Variants in PCDHA1 observed in about 807,000 individuals in gnomAD.
PCDHA1 encodes protocadherin alpha-1.
Under a neutral mutation model 61.3 loss-of-function variants are expected in PCDHA1, and 42 were observed. The observed-to-expected ratio is 0.69, with a 90% CI of 0.54 to 0.89. PCDHA1 has a LOEUF of 0.89. Ranked by LOEUF, PCDHA1 falls within the 40% of genes least tolerant of loss-of-function variation. PCDHA1 has a pLI of 0.00. For synonymous variants in PCDHA1, 610 were observed against 553.8 expected, an observed-to-expected ratio of 1.10 and a Z score of -1.43; for missense variants, 1,256 against 1,235.3, an observed-to-expected ratio of 1.02 and a Z score of -0.25.
chr5:140,787,773 G>A lies in PCDHA1; in HGVS notation c.1483G>A (p.Val495Met). The A allele has an allele frequency of 1.9e-6, 3 of 1,613,022 alleles. No individual in the cohort carries two copies. Among genetic ancestry groups the A allele is most frequent in the Non-Finnish European group, 2.5e-6 (3 of 1,179,826 alleles). ...GAACGCGCTGGTGTCCTATTCGCTGGTGGAACGGCGGGTGGGCGAGCGCGC... is the reference window on the plus strand; with the variant it reads ...GAACGCGCTGGTGTCCTATTCGCTGATGGAACGGCGGGTGGGCGAGCGCGC... ...QENALVSYSL[V>M]ERRVGERALS... Residue 495 changes from valine to methionine, a missense_variant, in exon 1 of 4, where the codon GTG (valine) becomes ATG (methionine). Coordinates refer to ENST00000504120, the MANE Select transcript of PCDHA1 (RefSeq NM_018900.4).
At chr5:140,842,599 C>T (rs1460884024) in intron 1 of PCDHA1, 3 of 1,595,874 alleles carry the variant, frequency 1.9e-6, no homozygotes, top group African/African-American at 1.3e-5. Flanking sequence ...TGGTGGTAAC[C>T]GCGCGGGACG....
At chr5:140,827,146 C>T (rs1245117168) in intron 1 of PCDHA1, among the ~76,000 whole-genome samples, 1 of 152,036 alleles carries the variant, frequency 6.6e-6, no homozygotes, top group Non-Finnish European at 1.5e-5. Flanking sequence ...AGAAGGGATG[C>T]AGATATGGAT....
intron 1 of PCDHA1, among the ~76,000 whole-genome samples, chr5:140,886,696 C>T (rs564317930): frequency 2.0e-5 from 3 of 151,944 alleles, no homozygotes; most frequent in Non-Finnish European, 2.9e-5. Flanking sequence ...CATGGTGGCA[C>T]GCGCCTGTAA....
chr5:140,805,654 T>C, intron 1 of PCDHA1: 5 of 854,732 alleles, frequency 5.8e-6, no homozygotes, highest in Non-Finnish European at 7.0e-6. Flanking sequence ...GAAGTCTTCA[T>C]TCCCCATTAA....
chr5:140,918,210 A>T (rs2078574076), intron 1 of PCDHA1, among the ~76,000 whole-genome samples: 1 of 152,152 alleles, frequency 6.6e-6, no homozygotes, highest in Non-Finnish European at 1.5e-5. Context: ...TTGTTGGTGT[A>T]CAGAAATGCT....
chr5:140,835,537 T>TTGCTCCCTG lies in PCDHA1; in HGVS notation c.2394+46854_2394+46855insGCTCCCTGT. On this transcript the variant is annotated intron_variant, in intron 1 of 3. Transcript: ENST00000504120. ...CGAGATTTTGGAGTCAACGGACAGG[T>TTGCTCCCTG]TACCTGCTCCCTGACGCCCCGCGTT... The TTGCTCCCTG allele has an allele frequency of 1.9e-6, 3 of 1,613,926 alleles. No individual in the cohort carries two copies. In the East Asian group the frequency reaches 6.7e-5, roughly 36 times the overall value.
At chr5:140,987,429 G>A (rs1402576200) in intron 3 of PCDHA1, among the ~76,000 whole-genome samples, 1 of 152,096 alleles carries the variant, frequency 6.6e-6, no homozygotes, top group Non-Finnish European at 1.5e-5. Context: ...GAAGCAGGGG[G>A]CCTTTCCCCA....
intron 1 of PCDHA1, chr5:140,802,510 C>T: frequency 2.5e-6 from 4 of 1,614,190 alleles, no homozygotes; most frequent in East Asian, 4.5e-5. Flanking sequence ...CTGTGGGCCA[C>T]GGCCAGCGTG....
chr5:140,863,228 C>A, intron 1 of PCDHA1: 1 of 1,183,022 alleles, frequency 8.5e-7, no homozygotes, highest in Non-Finnish European at 1.2e-6. Flanking sequence ...AGGAAGGTCC[C>A]ATCGCGGGCT....
intron 3 of PCDHA1, among the ~76,000 whole-genome samples, chr5:141,007,395 C>CAAA (rs35800918): frequency 7.4e-5 from 7 of 94,852 alleles, no homozygotes; most frequent in Non-Finnish European, 1.2e-4. Flanking sequence ...TACTAAAATA[C>CAAA]AAAAAAAAAA....
chr5:140,982,583 C>T lies in PCDHA1; in HGVS notation c.2542+20C>T, dbSNP rs1251252617. ...CACCAGGTAAAGAGCTGGGGTCTCT[C>T]CATTCTTTCTTGGTTTCTGGAAAGT... is the stretch of plus-strand genomic sequence containing the variant. On this transcript the variant is annotated intron_variant, in intron 3 of 3. Coordinates refer to ENST00000504120, the MANE Select transcript of PCDHA1 (RefSeq NM_018900.4). The T allele has an allele frequency of 1.2e-6, 2 of 1,612,084 alleles. No homozygotes were observed. The highest frequency in any genetic ancestry group is 4.5e-5 in the East Asian group (2 of 44,856).
rs576672267 is a variant in PCDHA1 at position 140,878,151 on chromosome 5, T to G, written c.2394+89467T>G. 31 of 178,298 alleles carry G rather than the reference T, an allele frequency of 1.7e-4. No individual in the cohort carries two copies. The Middle Eastern group carries it at 7.4e-3, about 42-fold the overall frequency. The allele number at this position is 178,298 out of a possible 1,614,324, so 11.0% of individuals were successfully genotyped here. On this transcript the variant is annotated intron_variant, in intron 1 of 3. Coordinates refer to ENST00000504120, the MANE Select transcript of PCDHA1 (RefSeq NM_018900.4). Reference sequence around the variant, plus strand: ...AAAAGTGGCCAGATGTTTGATAACTTAAAAATTTAATTTGTTCATAATTTC... The same window carrying G: ...AAAAGTGGCCAGATGTTTGATAACTGAAAAATTTAATTTGTTCATAATTTC...
At chr5:140,978,887 A>C (rs1367734690) in intron 1 of PCDHA1, 62 bp from the exon 2 acceptor site, 14 of 1,611,648 alleles carry the variant, frequency 8.7e-6, no homozygotes, top group Admixed American at 1.7e-5. Flanking sequence ...ATCAATTAGC[A>C]GCATTCCTGG....
chr5:140,815,145 C>A (rs1765664554), intron 1 of PCDHA1: 1 of 152,056 alleles, frequency 6.6e-6, no homozygotes, highest in South Asian at 2.1e-4. Flanking sequence ...AATTCAACCA[C>A]TTTGTATCTT....
At chr5:140,888,705 A>G (rs2061950008) in intron 1 of PCDHA1, among the ~76,000 whole-genome samples, 1 of 152,082 alleles carries the variant, frequency 6.6e-6, no homozygotes, top group South Asian at 2.1e-4. Context: ...ATTGGTAGGA[A>G]TGTGAAATAT....
At chr5:140,823,223 C>A (rs1367836220) in intron 1 of PCDHA1, 3 of 1,613,554 alleles carry the variant, frequency 1.9e-6, no homozygotes, top group East Asian at 4.5e-5. Context: ...GACGCGGACG[C>A]GCAGGAGAAC....
rs529065220 is a variant in PCDHA1, at chr5:140,930,291, C to T, written c.2395-48658C>T. On this transcript the variant is annotated intron_variant, in intron 1 of 3. Transcript: ENST00000504120. ...TATTTTAGGGGACAAATACACTTAA[C>T]AAATAAGTAAATATCATATTTGAGA... The T allele has an allele frequency of 2.6e-5, 4 of 152,208 alleles. No homozygotes were observed. The South Asian group carries it at 8.3e-4, about 32-fold the overall frequency. 9.4% of individuals were successfully genotyped at this position (152,208 alleles called of 1,614,324 possible). A position where few individuals can be genotyped will look rare whatever the true frequency, so the allele number is the denominator to read the frequency against.
intron 1 of PCDHA1, chr5:140,843,908 G>T: frequency 1.6e-6 from 1 of 638,262 alleles, no homozygotes. Context: ...TCCACAAGTT[G>T]GGTCTATCTT....
At chr5:140,831,867 T>C (rs1273262547) in intron 1 of PCDHA1, among the ~76,000 whole-genome samples, 1 of 152,226 alleles carries the variant, frequency 6.6e-6, no homozygotes, top group Non-Finnish European at 1.5e-5. Flanking sequence ...AGTAAGTTGA[T>C]ATTGTAAGGC....
Sources: gnomAD v4.1 joint callset for allele counts (sites outside exome capture counted in the v4.1 genomes callset) on GRCh38, gnomAD v4.1.1 for gene constraint, MANE v1.5 for transcripts, NCBI Gene and HGNC (gene_info 2026-07-23, HGNC 2026-07-21) for gene names.